RBMS3: variants seen among roughly 807,000 people sequenced by gnomAD.
The protein encoded by RBMS3 is RNA binding motif single stranded interacting protein 3.
A neutral mutation model predicts 66.8 loss-of-function variants in RBMS3; 27 were observed. The observed-to-expected ratio is 0.40, with a 90% CI of 0.30 to 0.56. The LOEUF (loss-of-function observed/expected upper bound fraction) is 0.56. Ranked by LOEUF, RBMS3 falls within the 20% of genes least tolerant of loss-of-function variation. The probability of loss-of-function intolerance (pLI) is 0.40; values close to 1 mark genes in which losing one functional copy is unlikely to be tolerated. For missense variants in RBMS3, 513 were observed against 549.5 expected, an observed-to-expected ratio of 0.93 and a Z score of 0.66; for synonymous variants, 188 against 183.0, an observed-to-expected ratio of 1.03 and a Z score of -0.22.
At chr3:29,975,166 T>C (rs951744741) in intron 12 of RBMS3, among the ~76,000 whole-genome samples, 17 of 148,250 alleles carry the variant, frequency 1.1e-4, no homozygotes, top group Non-Finnish European at 1.9e-4. Context: ...ATATTTTATA[T>C]ACTTTACTGT....
chr3:29,884,365 C>A, intron 8 of RBMS3, 157 bp downstream of exon 8: 4 of 562,136 alleles, frequency 7.1e-6, no homozygotes, highest in East Asian at 7.8e-5. Context: ...TTTTTTTCAT[C>A]CTATAAATTA....
chr3:29,821,128 C>G (rs981665599), intron 6 of RBMS3, among the ~76,000 whole-genome samples: 5 of 152,158 alleles, frequency 3.3e-5, no homozygotes, highest in Non-Finnish European at 7.3e-5. Flanking sequence ...ATTATCCAAA[C>G]AGCCAAGTAT....
At chr3:29,853,841 G>T (rs1031605897) in intron 6 of RBMS3, among the ~76,000 whole-genome samples, 1 of 152,052 alleles carries the variant, frequency 6.6e-6, no homozygotes, top group Non-Finnish European at 1.5e-5. Context: ...TATCTTTGGG[G>T]TCTCCACCCC....
At chr3:29,445,753 A>G (rs2041808211) in intron 2 of RBMS3, among the ~76,000 whole-genome samples, 1 of 152,178 alleles carries the variant, frequency 6.6e-6, no homozygotes, top group Non-Finnish European at 1.5e-5. Context: ...AATTATCCTT[A>G]AAAAGAAAAT....
At chr3:29,966,784 A>G (rs1434842303) in intron 12 of RBMS3, among the ~76,000 whole-genome samples, 3 of 152,190 alleles carry the variant, frequency 2.0e-5, no homozygotes, top group East Asian at 1.9e-4. Flanking sequence ...CTCAGAGGGA[A>G]TGCTTTCAGC....
In RBMS3 at chr3:29,751,561, C is replaced by T. The variant is rs111669990; in HGVS notation, c.558-11349C>T. Among the ~76,000 whole-genome samples the T allele has an allele frequency of 1.1e-3, 174 of 152,290 alleles. 1 individual carries two copies. The highest frequency in any genetic ancestry group is 4.0e-3 in the African/African-American group (168 of 41,554). On this transcript the variant is annotated intron_variant, in intron 5 of 14. Transcript: ENST00000383767. ...AGATTAATCTTCCACAAACCCTCTA[C>T]AACGTGCTTAAAATGTTTTGCCACT... is the stretch of plus-strand genomic sequence containing the variant.
intron 8 of RBMS3, among the ~76,000 whole-genome samples, chr3:29,885,783 AGTATGTATTAT>A (rs1399529737): frequency 2.0e-5 from 3 of 151,770 alleles, no homozygotes; most frequent in Non-Finnish European, 4.4e-5. Flanking sequence ...ACCTATCTAG[AGTATGTATTAT>A]GTATGTATAT....
At position 29,325,369 on chromosome 3, in the gene RBMS3, G is replaced by A. The variant is rs187787076; in HGVS notation, c.75+43613G>A. ...GAATAGTAGAAAGGGAGATTTTATC[G>A]TTATACCGTTTTGTATTTATTAACT... On this transcript the variant is annotated intron_variant, in intron 1 of 14. Coordinates refer to ENST00000383767, the MANE Select transcript of RBMS3 (RefSeq NM_001003793.3). Among the ~76,000 whole-genome samples, 202 of 152,080 alleles carry A rather than the reference G, an allele frequency of 1.3e-3. 1 individual carries two copies. The highest frequency in any genetic ancestry group is 4.7e-3 in the African/African-American group (194 of 41,502).
At chr3:29,583,287 C>T (rs2047395212) in intron 3 of RBMS3, among the ~76,000 whole-genome samples, 1 of 151,896 alleles carries the variant, frequency 6.6e-6, no homozygotes, top group Admixed American at 6.6e-5. Flanking sequence ...GAGAAGAAGC[C>T]AGAGAGAAGG....
intron 10 of RBMS3, among the ~76,000 whole-genome samples, chr3:29,920,032 C>T (rs777371049): frequency 3.3e-5 from 5 of 151,558 alleles, no homozygotes; most frequent in Non-Finnish European, 7.4e-5. Context: ...TTTTTTTTAA[C>T]GTACTTAGGA....
intron 4 of RBMS3, among the ~76,000 whole-genome samples, chr3:29,591,511 G>C (rs1487636544): frequency 6.6e-6 from 1 of 152,188 alleles, no homozygotes; most frequent in Non-Finnish European, 1.5e-5. Flanking sequence ...AGTTGTCAGT[G>C]CAATAAGTTC....
intron 10 of RBMS3, among the ~76,000 whole-genome samples, chr3:29,913,257 T>C (rs143238677): frequency 7.7e-4 from 117 of 152,116 alleles, no homozygotes; most frequent in African/African-American, 2.7e-3. Flanking sequence ...ATAAAGCTGA[T>C]ATCAAACCAT....
intron 4 of RBMS3, among the ~76,000 whole-genome samples, chr3:29,589,224 T>G (rs1365526984): frequency 1.3e-5 from 2 of 152,058 alleles, no homozygotes; most frequent in Admixed American, 1.3e-4. Context: ...CTCTCTCTCT[T>G]ACCCACTCCC....
intron 6 of RBMS3, among the ~76,000 whole-genome samples, chr3:29,844,257 T>C (rs1482905419): frequency 6.6e-6 from 1 of 152,092 alleles, no homozygotes. Context: ...TTTGTTTTGT[T>C]TTGTTTTGTT....
At chr3:29,852,346 CA>C (rs1310805471) in intron 6 of RBMS3, among the ~76,000 whole-genome samples, 1 of 152,080 alleles carries the variant, frequency 6.6e-6, no homozygotes, top group Non-Finnish European at 1.5e-5. Context: ...TTCTGCCCAG[CA>C]AAAGAGACAA....
At chr3:29,722,142 A>G (rs1463763847) in intron 4 of RBMS3, among the ~76,000 whole-genome samples, 3 of 152,134 alleles carry the variant, frequency 2.0e-5, no homozygotes, top group Non-Finnish European at 4.4e-5. Context: ...GAATACTTTT[A>G]TATTTTTGGA....
intron 4 of RBMS3, among the ~76,000 whole-genome samples, chr3:29,733,494 G>A (rs1258356317): frequency 6.6e-6 from 1 of 151,748 alleles, no homozygotes; most frequent in East Asian, 1.9e-4. Flanking sequence ...AAGTGTATAC[G>A]AGTTCCCTTT....
At chr3:29,517,604 TG>T (rs142822004) in intron 3 of RBMS3, among the ~76,000 whole-genome samples, 3,677 of 152,262 alleles carry the variant, frequency 0.024, 148 homozygotes, top group African/African-American at 0.083. Flanking sequence ...ATTACAGGCG[TG>T]AGCCACCGCG....
At chr3:29,655,106 G>T (rs572787968) in intron 4 of RBMS3, among the ~76,000 whole-genome samples, 1 of 152,178 alleles carries the variant, frequency 6.6e-6, no homozygotes, top group African/African-American at 2.4e-5. Flanking sequence ...ATAGGAATAA[G>T]AACATTTATT....
Sources: allele counts gnomAD v4.1 joint callset (sites outside exome capture counted in the v4.1 genomes callset), GRCh38; gene constraint gnomAD v4.1.1; transcripts MANE v1.5; gene names NCBI Gene and HGNC (gene_info 2026-07-23, HGNC 2026-07-21).